The following PRR16 variants were observed in gnomAD, a reference collection of about 807,000 sequenced individuals.
PRR16 encodes the protein protein Largen.
PRR16 carries 6 observed loss-of-function variants against 18.2 expected under a neutral mutation model. The ratio of observed to expected loss-of-function variants is 0.33; its 90% CI spans 0.18 to 0.65. The LOEUF is 0.65. PRR16 is among the 30% of genes least tolerant of loss of function. The pLI is 0.74. For missense variants in PRR16, 412 were observed against 376.6 expected, an observed-to-expected ratio of 1.09 and a Z score of -0.78; for synonymous variants, 151 against 147.8, an observed-to-expected ratio of 1.02 and a Z score of -0.16.
intron 1 of PRR16, among the ~76,000 whole-genome samples, chr5:120,613,405 T>C (rs1754396381): frequency 6.6e-6 from 1 of 152,062 alleles, no homozygotes; most frequent in Non-Finnish European, 1.5e-5. Flanking sequence ...AAAATCCTAT[T>C]ATGTATTATT....
At chr5:120,656,604 A>G (rs1448587228) in intron 1 of PRR16, among the ~76,000 whole-genome samples, 1 of 151,974 alleles carries the variant, frequency 6.6e-6, no homozygotes, top group Non-Finnish European at 1.5e-5. Context: ...TGAAAAGCAC[A>G]CATTTCAGTT....
chr5:120,791,459 A>T, the PRR16 span, among the ~76,000 whole-genome samples: 1 of 152,050 alleles, frequency 6.6e-6, no homozygotes, highest in Non-Finnish European at 1.5e-5. Context: ...TTGTATCAGT[A>T]AGGATTTTTT....
chr5:120,754,828 C>T, the PRR16 span, among the ~76,000 whole-genome samples: 3 of 150,536 alleles, frequency 2.0e-5, no homozygotes, highest in Non-Finnish European at 4.4e-5. Flanking sequence ...AGAGCAAGGT[C>T]AAAAGATATG....
At chr5:120,741,518 T>C in the PRR16 span, among the ~76,000 whole-genome samples, 1 of 152,360 alleles carries the variant, frequency 6.6e-6, no homozygotes. Flanking sequence ...GCCGTGATGA[T>C]AGTAAACATT....
At chr5:120,581,296 G>T (rs148069123) in intron 1 of PRR16, among the ~76,000 whole-genome samples, 1 of 151,942 alleles carries the variant, frequency 6.6e-6, no homozygotes, top group Non-Finnish European at 1.5e-5. Flanking sequence ...TAGATTTTCC[G>T]GTTTATTTGC....
At chr5:120,643,341 C>G (rs184819477) in intron 1 of PRR16, among the ~76,000 whole-genome samples, 2 of 152,030 alleles carry the variant, frequency 1.3e-5, no homozygotes, top group African/African-American at 2.4e-5. Context: ...TTCAAAGTTT[C>G]TCATCTCTAC....
chr5:120,704,078 G>T, the PRR16 span, among the ~76,000 whole-genome samples: 2 of 152,148 alleles, frequency 1.3e-5, no homozygotes, highest in African/African-American at 2.4e-5. Flanking sequence ...AAACACAGAA[G>T]TTAACATAAG....
At chr5:120,606,767 C>T (rs1343089037) in intron 1 of PRR16, among the ~76,000 whole-genome samples, 3 of 152,018 alleles carry the variant, frequency 2.0e-5, no homozygotes, top group Non-Finnish European at 4.4e-5. Flanking sequence ...ATCGGTCAAG[C>T]ATGGTAGAAT....
chr5:120,579,824 G>C (rs1329714325), intron 1 of PRR16, among the ~76,000 whole-genome samples: 1 of 152,182 alleles, frequency 6.6e-6, no homozygotes. Context: ...TACAAGGGCA[G>C]TATGGCCATT....
intron 1 of PRR16, among the ~76,000 whole-genome samples, chr5:120,518,077 T>C (rs1417218831): frequency 2.6e-5 from 4 of 152,206 alleles, no homozygotes; most frequent in African/African-American, 9.6e-5. Flanking sequence ...TTGTCTGCTT[T>C]CAGATGTCTA....
chr5:120,502,263 A>C (rs1052385777), intron 1 of PRR16, among the ~76,000 whole-genome samples: 1 of 150,638 alleles, frequency 6.6e-6, no homozygotes, highest in Non-Finnish European at 1.5e-5. Context: ...TTGTTCTTTA[A>C]TTTTCATTAT....
chr5:120,538,066 G>A (rs772543493), intron 1 of PRR16, among the ~76,000 whole-genome samples: 9 of 152,090 alleles, frequency 5.9e-5, no homozygotes, highest in Non-Finnish European at 1.3e-4. Context: ...GTGAGCCACC[G>A]CGCCCGGCCG....
rs187979452 is a variant in PRR16, at chr5:120,639,641, C to G, written c.160-46313C>G. ...CTATGATCAGGAGGTCAGAAAATAA[C>G]AGGTGTTTGCTAGGTTGCAGAAAAA... On this transcript the variant is annotated intron_variant, in intron 1 of 1. Transcript: ENST00000407149. Among the ~76,000 whole-genome samples, 8 of 151,930 alleles carry G rather than the reference C, an allele frequency of 5.3e-5. No homozygotes were observed. In the East Asian group the frequency reaches 1.2e-3, roughly 22 times the overall value.
chr5:120,573,759 A>G (rs1752977933), intron 1 of PRR16, among the ~76,000 whole-genome samples: 1 of 152,178 alleles, frequency 6.6e-6, no homozygotes, highest in Admixed American at 6.6e-5. Flanking sequence ...TGGAGAAAGA[A>G]TGTTTCCTTC....
chr5:120,551,527 A>G (rs1752254231), intron 1 of PRR16, among the ~76,000 whole-genome samples: 1 of 151,842 alleles, frequency 6.6e-6, no homozygotes, highest in Admixed American at 6.6e-5. Context: ...GCATATAATC[A>G]ATGTATGATG....
intron 1 of PRR16, among the ~76,000 whole-genome samples, chr5:120,500,929 A>G (rs1376451299): frequency 1.3e-5 from 2 of 151,962 alleles, no homozygotes; most frequent in Non-Finnish European, 2.9e-5. Flanking sequence ...TAATTATTGG[A>G]TAACACTCCC....
At chr5:120,693,594 G>A in the PRR16 span, among the ~76,000 whole-genome samples, 2,421 of 152,276 alleles carry the variant, frequency 0.016, 70 homozygotes, top group African/African-American at 0.055. Context: ...GGTCAGAAAC[G>A]TCTCCCAAAC....
At chr5:120,715,931 A>G in the PRR16 span, among the ~76,000 whole-genome samples, 3 of 152,106 alleles carry the variant, frequency 2.0e-5, no homozygotes, top group Non-Finnish European at 4.4e-5. Flanking sequence ...TGCACTAGAA[A>G]AATCTCTCTC....
At position 120,555,432 on chromosome 5, in the gene PRR16, C is replaced by G. The variant is rs73786519; in HGVS notation, c.159+90787C>G. 9.4e-3 allele frequency among the ~76,000 whole-genome samples: 1,426 copies of G among 151,918 alleles called. 25 individuals are homozygous for G. The highest frequency in any genetic ancestry group is 0.033 in the African/African-American group (1,361 of 41,464). On this transcript the variant is annotated intron_variant, in intron 1 of 1. Coordinates refer to ENST00000407149, the MANE Select transcript of PRR16 (RefSeq NM_001300783.2). Reference sequence around the variant, plus strand: ...GAAAGTTCCAAGTCAAGGTGCTGGCCAGTTTGGTTCTGAGTGAGCATCTGC... The same window carrying G: ...GAAAGTTCCAAGTCAAGGTGCTGGCGAGTTTGGTTCTGAGTGAGCATCTGC...
Sources: gnomAD v4.1 joint callset for allele counts (sites outside exome capture counted in the v4.1 genomes callset) on GRCh38, gnomAD v4.1.1 for gene constraint, MANE v1.5 for transcripts, NCBI Gene and HGNC (gene_info 2026-07-23, HGNC 2026-07-21) for gene names.